Variants in EMP1 observed in about 807,000 individuals in gnomAD.
The protein encoded by EMP1 is epithelial membrane protein 1, also known as tumor-associated membrane protein.
EMP1 carries 5 observed loss-of-function variants against 15.7 expected under a neutral mutation model. The observed-to-expected ratio is 0.32, with a 90% CI of 0.17 to 0.67. The LOEUF (loss-of-function observed/expected upper bound fraction) is 0.67. EMP1 is among the 30% of genes least tolerant of loss of function. EMP1 has a pLI of 0.74. For missense variants in EMP1, 166 were observed against 194.2 expected (o/e 0.85, Z 0.86); for synonymous variants, 78 against 76.7 (o/e 1.02, Z -0.09).
chr12:13,213,384 A>G, intron 2 of EMP1, 95 bp from the exon 3 acceptor site: 2 of 1,126,574 alleles, frequency 1.8e-6, no homozygotes, highest in East Asian at 2.5e-5. Context: ...GAATGTCTTT[A>G]TTAAAATCTG....
rs1049520376 is a variant in EMP1 at position 13,214,577 on chromosome 12, T to C, written c.360T>C (p.Tyr120=). Residue 120 remains tyrosine (Y), a synonymous_variant, in exon 5 of 5, where the codon TAT becomes TAC. Coordinates refer to ENST00000256951, the MANE Select transcript of EMP1 (RefSeq NM_001423.3). The stretch of plus-strand genomic sequence containing the variant: ...GGGTGTCCATCTACACTAGTCATTA[T>C]GCGAATCGTGATGGAACGCAGTATC... The part of the protein sequence containing the change: ...LVGVSIYTSH[Y]ANRDGTQYHH... 1 of 1,614,008 alleles carries C rather than the reference T, an allele frequency of 6.2e-7. No homozygotes were observed. Among genetic ancestry groups the C allele is most frequent in the Admixed American group, 1.7e-5 (1 of 59,998 alleles).
chr12:13,200,196 C>A (rs1828296075), intron 1 of EMP1, among the ~76,000 whole-genome samples: 1 of 152,156 alleles, frequency 6.6e-6, no homozygotes, highest in South Asian at 2.1e-4. Flanking sequence ...GAGGGACACA[C>A]CCAGTGTTGC....
intron 1 of EMP1, among the ~76,000 whole-genome samples, chr12:13,198,257 T>C (rs1289323861): frequency 6.6e-6 from 1 of 152,138 alleles, no homozygotes. Flanking sequence ...GTGCTTTTTC[T>C]TTTTTTTCTT....
chr12:13,203,979 G>C (rs1864088356), intron 1 of EMP1, among the ~76,000 whole-genome samples: 1 of 152,152 alleles, frequency 6.6e-6, no homozygotes, highest in South Asian at 2.1e-4. Context: ...CACAGCACCA[G>C]ACCAACACGA....
At chr12:13,209,755 T>C (rs1473403830) in intron 1 of EMP1, among the ~76,000 whole-genome samples, 1 of 152,180 alleles carries the variant, frequency 6.6e-6, no homozygotes, top group African/African-American at 2.4e-5. Flanking sequence ...CAAAAATCTC[T>C]TTTTACTGTG....
chr12:13,201,061 A>G (rs10772631), intron 1 of EMP1, among the ~76,000 whole-genome samples: 126,123 of 151,774 alleles, frequency 0.83, 53,422 homozygotes, highest in East Asian at 1. Context: ...CACAGGCGAG[A>G]CACTTGTCTT....
At chr12:13,206,572 T>G (rs1016846889) in intron 1 of EMP1, among the ~76,000 whole-genome samples, 1 of 152,224 alleles carries the variant, frequency 6.6e-6, no homozygotes, top group African/African-American at 2.4e-5. Flanking sequence ...TCTATTCTAT[T>G]GTGTTGCTCC....
intron 1 of EMP1, among the ~76,000 whole-genome samples, chr12:13,203,093 G>A (rs10845714): frequency 0.11 from 16,147 of 152,194 alleles, 1,139 homozygotes; most frequent in East Asian, 0.31. Context: ...CTCTAGGCGA[G>A]GGGCCTCCCC....
intron 1 of EMP1, among the ~76,000 whole-genome samples, chr12:13,200,034 TAGTC>T (rs909008813): frequency 1.3e-5 from 2 of 149,690 alleles, no homozygotes; most frequent in Non-Finnish European, 3.0e-5. Context: ...ATTATGTACA[TAGTC>T]AATCATACTC....
At chr12:13,207,202 C>A (rs541145586) in intron 1 of EMP1, among the ~76,000 whole-genome samples, 15 of 152,260 alleles carry the variant, frequency 9.9e-5, no homozygotes, top group Admixed American at 9.8e-4. Flanking sequence ...ACCTCCGCCT[C>A]CCTGGTTCAA....
chr12:13,212,786 C>A (rs545640526), intron 2 of EMP1, among the ~76,000 whole-genome samples: 1 of 152,328 alleles, frequency 6.6e-6, no homozygotes, highest in South Asian at 2.1e-4. Flanking sequence ...CACTTGTTTT[C>A]TCTTCCAGAA....
At position 13,217,118 on chromosome 12, in the gene EMP1, T is replaced by A. The variant is rs976889752; in HGVS notation, c.*2427T>A. On this transcript the variant is annotated 3_prime_UTR_variant, in exon 5 of 5. Transcript: ENST00000256951. The stretch of plus-strand genomic sequence containing the variant: ...TCTTTGAAATAGCCAGCTCCTCTAA[T>A]GTGTCTTCAAAATATAAAGTGATTC... 4.6e-5 allele frequency: 7 copies of A among 152,462 alleles called. 2 individuals are homozygous for A. The South Asian group carries it at 1.4e-3, about 32-fold the overall frequency. 9.4% of individuals were successfully genotyped at this position (152,462 alleles called of 1,614,324 possible).
intron 4 of EMP1, chr12:13,214,192 G>A (rs750804650): frequency 5.0e-6 from 3 of 597,692 alleles, no homozygotes; most frequent in Non-Finnish European, 8.9e-6. Context: ...CAATATACTC[G>A]GTTTGGTGGA....
rs1864232114 is a variant in EMP1, at chr12:13,218,260, T to A, written c.*3569T>A. 1.3e-5 allele frequency: 2 copies of A among 152,108 alleles called. No individual in the cohort carries two copies. The highest frequency in any genetic ancestry group is 4.1e-4 in the South Asian group (2 of 4,826). 9.4% of individuals were successfully genotyped at this position (152,108 alleles called of 1,614,324 possible). On this transcript the variant is annotated 3_prime_UTR_variant, in exon 5 of 5. Transcript: ENST00000256951. ...ACCGGCTTTCAGGCATGGAAAAAAA[T>A]TTCACAAAGGCCTTGAAAGAAGGCA...
At chr12:13,210,486 G>A (rs1199672275) in intron 1 of EMP1, among the ~76,000 whole-genome samples, 1 of 152,156 alleles carries the variant, frequency 6.6e-6, no homozygotes, top group Non-Finnish European at 1.5e-5. Context: ...TGATCAATGG[G>A]CTCCCTTCTC....
chr12:13,207,297 G>A (rs74063269), intron 1 of EMP1, among the ~76,000 whole-genome samples: 12,883 of 152,116 alleles, frequency 0.085, 594 homozygotes, highest in Non-Finnish European at 0.12. Context: ...ATTTTTAATT[G>A]ATACTAGGTT....
chr12:13,210,797 A>G (rs1467413214), intron 1 of EMP1, among the ~76,000 whole-genome samples: 1 of 152,258 alleles, frequency 6.6e-6, no homozygotes, highest in Non-Finnish European at 1.5e-5. Context: ...CAGGTGTAGT[A>G]ATACTAGTCT....
chr12:13,211,500 A>G lies in EMP1; in HGVS notation c.-11A>G, dbSNP rs771020753. 1 of 1,609,502 alleles carries G rather than the reference A, an allele frequency of 6.2e-7. No individual in the cohort carries two copies. Among genetic ancestry groups the G allele is most frequent in the Non-Finnish European group, 8.5e-7 (1 of 1,178,714 alleles). On this transcript the variant is annotated 5_prime_UTR_variant, in exon 2 of 5. Transcript: ENST00000256951. This position sits in a 1 kb window ranked among gnomAD's most constrained non-coding sequence, Gnocchi z 4.7. ...CTTTGCTCACAAGTTACCAAAAAAA[A>G]AAGAGCCAACATGTTGGTATTGCTG...
chr12:13,216,885 G>C lies in EMP1; in HGVS notation c.*2194G>C, dbSNP rs185656955. 32 of 159,994 alleles carry C rather than the reference G, an allele frequency of 2.0e-4. No individual in the cohort carries two copies. The East Asian group carries it at 4.4e-3, about 22-fold the overall frequency. The allele number at this position is 159,994 out of a possible 1,614,324, so 9.9% of individuals were successfully genotyped here. ...GATTTGGACAACTTGACATTTATTT[G>C]AGACATTAAGCTACTTTCTGGTAAT... is the stretch of plus-strand genomic sequence containing the variant. On this transcript the variant is annotated 3_prime_UTR_variant, in exon 5 of 5. Transcript: ENST00000256951.
Sources: gnomAD v4.1 joint callset for allele counts (sites outside exome capture counted in the v4.1 genomes callset) on GRCh38, gnomAD v4.1.1 for gene constraint, Gnocchi (gnomAD v3.1) non-coding constraint, MANE v1.5 for transcripts, NCBI Gene and HGNC (gene_info 2026-07-23, HGNC 2026-07-21) for gene names.